Variants in TCF12 observed in about 807,000 individuals in gnomAD.
TCF12 encodes transcription factor 12.
In TCF12, 45 loss-of-function variants were observed where a neutral mutation model predicts 86.0. That is an observed-to-expected ratio of 0.52 (90% CI 0.41 to 0.67). The LOEUF is 0.67. Among genes scored for constraint, TCF12 ranks in the 30% least tolerant of loss-of-function variants. The probability of loss-of-function intolerance (pLI) is 0.00; values close to 1 mark genes in which losing one functional copy is unlikely to be tolerated. For missense variants in TCF12, 881 were observed against 859.9 expected (o/e 1.02, Z -0.31); for synonymous variants, 330 against 299.6 (o/e 1.10, Z -1.05).
intron 13 of TCF12, among the ~76,000 whole-genome samples, chr15:57,249,858 T>C (rs1445572697): frequency 2.6e-5 from 4 of 152,196 alleles, no homozygotes; most frequent in Non-Finnish European, 5.9e-5. Context: ...AAATGACTTA[T>C]TTTCAGATGC....
chr15:57,069,629 G>A (rs543784805), intron 4 of TCF12, among the ~76,000 whole-genome samples: 13 of 152,266 alleles, frequency 8.5e-5, no homozygotes, highest in African/African-American at 3.1e-4. Flanking sequence ...GATTTGTGCT[G>A]TATGTAGAGA....
At chr15:57,210,353 C>T (rs1317103158) in intron 8 of TCF12, among the ~76,000 whole-genome samples, 3 of 151,330 alleles carry the variant, frequency 2.0e-5, no homozygotes, top group African/African-American at 7.3e-5. Flanking sequence ...AAGATAGCTA[C>T]ATAACTGTAT....
chr15:57,066,342 A>G (rs1371499666), intron 4 of TCF12, among the ~76,000 whole-genome samples: 2 of 152,136 alleles, frequency 1.3e-5, no homozygotes, highest in Non-Finnish European at 2.9e-5. Flanking sequence ...ATTTAAGTAC[A>G]TTGAGGTTCT....
At chr15:57,237,146 AGAGTGT>A (rs1350002847) in intron 12 of TCF12, among the ~76,000 whole-genome samples, 51 of 150,262 alleles carry the variant, frequency 3.4e-4, no homozygotes, top group Non-Finnish European at 1.6e-4. Context: ...AGAGAGAGAG[AGAGTGT>A]GTGTGTGTGT....
intron 16 of TCF12, among the ~76,000 whole-genome samples, chr15:57,257,701 A>G (rs1421093677): frequency 7.6e-6 from 1 of 131,580 alleles, no homozygotes; most frequent in Non-Finnish European, 1.6e-5. Context: ...ATATATATAT[A>G]TAGTGGTACA....
At chr15:57,177,608 C>CAGAGAGAG (rs11270421) in intron 6 of TCF12, among the ~76,000 whole-genome samples, 13,730 of 122,900 alleles carry the variant, frequency 0.11, 1,445 homozygotes, top group Non-Finnish European at 0.14. Context: ...GTTAAAAGGC[C>CAGAGAGAG]AGAGAGAGAG....
chr15:57,229,293 A>G (rs190445767), intron 8 of TCF12, among the ~76,000 whole-genome samples: 1 of 152,044 alleles, frequency 6.6e-6, no homozygotes. Context: ...ATTTTATTTC[A>G]ACACAATCAT....
chr15:57,282,830 G>T (rs1379624955), intron 20 of TCF12, among the ~76,000 whole-genome samples: 3 of 152,118 alleles, frequency 2.0e-5, no homozygotes, highest in Non-Finnish European at 4.4e-5. Context: ...TGTGACTTTG[G>T]TTCTTCTGTT....
In TCF12 at chr15:56,994,570, G is replaced by A. The variant is rs561270787; in HGVS notation, c.149-69180G>A. On this transcript the variant is annotated intron_variant, in intron 3 of 20. Coordinates refer to ENST00000333725, the MANE Select transcript of TCF12 (RefSeq NM_207037.2). ...AACAAGAAAAAAACTATTGAAAGCA[G>A]CCAGAGGAAAATGACATTGCTCCTT... 1.1e-4 allele frequency among the ~76,000 whole-genome samples: 17 copies of A among 152,144 alleles called. No homozygotes were observed. The South Asian group carries it at 3.5e-3, about 32-fold the overall frequency.
chr15:57,102,040 C>G (rs1481608606), intron 5 of TCF12, among the ~76,000 whole-genome samples: 1 of 151,820 alleles, frequency 6.6e-6, no homozygotes, highest in African/African-American at 2.4e-5. Context: ...ACTTATATAG[C>G]TACTTAAACA....
At chr15:56,958,554 G>T (rs755009100) in intron 3 of TCF12, among the ~76,000 whole-genome samples, 5 of 152,010 alleles carry the variant, frequency 3.3e-5, no homozygotes, top group Non-Finnish European at 7.4e-5. Context: ...TGTATCTAGT[G>T]ACTACCATAC....
intron 3 of TCF12, among the ~76,000 whole-genome samples, chr15:56,965,579 TA>T (rs2061965455): frequency 6.6e-6 from 1 of 152,186 alleles, no homozygotes; most frequent in African/African-American, 2.4e-5. Context: ...ATGTATATTA[TA>T]TCTGGAAATG....
intron 1 of TCF12, 155 bp from the exon 2 acceptor site, chr15:56,919,737 C>T (rs1452663037): frequency 1.5e-5 from 9 of 601,882 alleles, no homozygotes; most frequent in Non-Finnish European, 2.5e-5. Flanking sequence ...GCCCTCCCGC[C>T]CCTTGCTCGC....
intron 5 of TCF12, among the ~76,000 whole-genome samples, chr15:57,137,199 G>T (rs1248967853): frequency 2.0e-5 from 3 of 151,710 alleles, no homozygotes; most frequent in Non-Finnish European, 4.4e-5. Context: ...CAGTCTCAAG[G>T]TCTCAATCTC....
chr15:56,989,105 T>A (rs2063327011), intron 3 of TCF12, among the ~76,000 whole-genome samples: 1 of 152,172 alleles, frequency 6.6e-6, no homozygotes, highest in African/African-American at 2.4e-5. Flanking sequence ...ATTTCCTAGC[T>A]TTTTTCTCTG....
intron 3 of TCF12, among the ~76,000 whole-genome samples, chr15:56,991,324 C>T (rs1254603917): frequency 6.6e-6 from 1 of 152,204 alleles, no homozygotes; most frequent in African/African-American, 2.4e-5. Context: ...CCGTTTCCAT[C>T]TAATGACTAG....
At chr15:57,036,469 A>G (rs1431788202) in intron 3 of TCF12, among the ~76,000 whole-genome samples, 1 of 152,204 alleles carries the variant, frequency 6.6e-6, no homozygotes, top group Non-Finnish European at 1.5e-5. Context: ...CATTCCCAGC[A>G]GTAGCATATG....
At chr15:57,171,686 A>G (rs2055512001) in intron 6 of TCF12, among the ~76,000 whole-genome samples, 1 of 152,222 alleles carries the variant, frequency 6.6e-6, no homozygotes, top group South Asian at 2.1e-4. Flanking sequence ...ATTCACAACA[A>G]TCACATTAAC....
intron 3 of TCF12, among the ~76,000 whole-genome samples, chr15:56,964,318 T>G (rs996379906): frequency 4.6e-5 from 7 of 152,214 alleles, no homozygotes; most frequent in Non-Finnish European, 1.0e-4. Flanking sequence ...AGCTTAGAAT[T>G]TGGTATCGCT....
Sources: allele counts gnomAD v4.1 joint callset (sites outside exome capture counted in the v4.1 genomes callset), GRCh38; gene constraint gnomAD v4.1.1; transcripts MANE v1.5; gene names NCBI Gene and HGNC (gene_info 2026-07-23, HGNC 2026-07-21).